Variants in ICOS observed in about 807,000 individuals in gnomAD.
ICOS encodes inducible T cell costimulator.
Under a neutral mutation model 24.6 loss-of-function variants are expected in ICOS, and 15 were observed. The observed-to-expected ratio is 0.61, with a 90% confidence interval of 0.41 to 0.94. The LOEUF (loss-of-function observed/expected upper bound fraction) is 0.94, where lower values mean the gene tolerates loss of function less well. Ranked by LOEUF, ICOS falls within the 40% of genes least tolerant of loss-of-function variation. ICOS has a pLI of 0.00. For missense variants in ICOS, 200 were observed against 233.0 expected (o/e 0.86, Z 0.92); for synonymous variants, 89 against 77.5 (o/e 1.15, Z -0.78).
chr2:203,942,479 CAT>C (rs774754813), intron 1 of ICOS, among the ~76,000 whole-genome samples: 4 of 152,196 alleles, frequency 2.6e-5, no homozygotes, highest in African/African-American at 4.8e-5. Flanking sequence ...CAGCTTAATA[CAT>C]GATGGCTGAT....
intron 1 of ICOS, among the ~76,000 whole-genome samples, chr2:203,953,020 A>G: frequency 6.6e-6 from 1 of 152,162 alleles, no homozygotes; most frequent in East Asian, 1.9e-4. Flanking sequence ...GAAGGGTAAT[A>G]ATAATGCAAA....
intron 1 of ICOS, among the ~76,000 whole-genome samples, chr2:203,954,810 TAC>T (rs942189732): frequency 3.7e-4 from 55 of 150,654 alleles, no homozygotes; most frequent in African/African-American, 1.3e-3. Flanking sequence ...TTTGTATATA[TAC>T]ACACACATAG....
At chr2:203,944,139 T>TC (rs1289601046) in intron 1 of ICOS, among the ~76,000 whole-genome samples, 1 of 152,144 alleles carries the variant, frequency 6.6e-6, no homozygotes, top group East Asian at 1.9e-4. Flanking sequence ...ATTCACGGCC[T>TC]CCCCCCAGTT....
intron 2 of ICOS, 78 bp from the exon 3 acceptor site, chr2:203,956,581 A>C (rs1335052037): frequency 1.0e-6 from 1 of 976,606 alleles, no homozygotes; most frequent in Non-Finnish European, 1.7e-6. Flanking sequence ...CATTTGATTA[A>C]ATAGCTCTTT....
At chr2:203,945,397 C>G (rs1689849865) in intron 1 of ICOS, among the ~76,000 whole-genome samples, 1 of 152,180 alleles carries the variant, frequency 6.6e-6, no homozygotes, top group Non-Finnish European at 1.5e-5. Flanking sequence ...TAGGGTCAGA[C>G]TAGTGACTCC....
At chr2:203,958,626 A>G (rs905248448) in intron 4 of ICOS, among the ~76,000 whole-genome samples, 4 of 152,152 alleles carry the variant, frequency 2.6e-5, no homozygotes, top group African/African-American at 9.7e-5. Flanking sequence ...GCTACAGATT[A>G]TCTAAAGGGG....
chr2:203,941,542 C>G (rs1176139194), intron 1 of ICOS, among the ~76,000 whole-genome samples: 1 of 152,160 alleles, frequency 6.6e-6, no homozygotes, highest in African/African-American at 2.4e-5. Context: ...TACTGCTTCC[C>G]TACTCTAAGA....
At chr2:203,947,626 G>A (rs1689897324) in intron 1 of ICOS, among the ~76,000 whole-genome samples, 1 of 152,134 alleles carries the variant, frequency 6.6e-6, no homozygotes, top group African/African-American at 2.4e-5. Context: ...ATTGTTAGCA[G>A]CAGTTAACAG....
chr2:203,938,173 A>G lies in ICOS; in HGVS notation c.58+1301A>G, dbSNP rs114364836. 3.2e-3 allele frequency among the ~76,000 whole-genome samples: 493 copies of G among 152,344 alleles called. 6 individuals carry two copies. Among genetic ancestry groups the G allele is most frequent in the African/African-American group, 0.011 (468 of 41,592 alleles). ...ATAATTACAGGCAAAACTCAATTAT[A>G]TGAGGGAATGTAACAAGGAGCTTGA... On this transcript the variant is annotated intron_variant, in intron 1 of 4. Coordinates refer to ENST00000316386, the MANE Select transcript of ICOS (RefSeq NM_012092.4).
chr2:203,959,478 G>A (rs1188944472), intron 4 of ICOS, 108 bp from the exon 5 acceptor site: 2 of 830,846 alleles, frequency 2.4e-6, no homozygotes, highest in Non-Finnish European at 4.2e-6. Flanking sequence ...GTGTGTGTGT[G>A]CACGTGTGTG....
At chr2:203,941,701 T>C (rs1689778270) in intron 1 of ICOS, among the ~76,000 whole-genome samples, 1 of 152,224 alleles carries the variant, frequency 6.6e-6, no homozygotes, top group South Asian at 2.1e-4. Context: ...TCTAATAAAC[T>C]AGGTCTGTCA....
chr2:203,944,990 G>A (rs1689843128), intron 1 of ICOS, among the ~76,000 whole-genome samples: 1 of 152,174 alleles, frequency 6.6e-6, no homozygotes, highest in Non-Finnish European at 1.5e-5. Flanking sequence ...AAGTGTGAAA[G>A]AAATGGCCAA....
At chr2:203,940,346 A>G (rs1689742588) in intron 1 of ICOS, among the ~76,000 whole-genome samples, 1 of 152,206 alleles carries the variant, frequency 6.6e-6, no homozygotes, top group East Asian at 1.9e-4. Context: ...CTGTTTCAAG[A>G]ATCCTTTCTT....
intron 1 of ICOS, among the ~76,000 whole-genome samples, chr2:203,953,840 G>A (rs1472830317): frequency 2.0e-5 from 3 of 152,070 alleles, no homozygotes; most frequent in Non-Finnish European, 2.9e-5. Context: ...TAATTATGAT[G>A]ACTAAAAATG....
chr2:203,941,123 T>A lies in ICOS; in HGVS notation c.58+4251T>A, dbSNP rs566174599. Among the ~76,000 whole-genome samples, 179 of 152,194 alleles carry A rather than the reference T, an allele frequency of 1.2e-3. 1 individual carries two copies. The highest frequency in any genetic ancestry group is 2.3e-3 in the Admixed American group (35 of 15,276). ...TCTATTAATTTATTATTATTTTTTT[T>A]AAGACTGGGTGAAAGTTTTCAATCT... On this transcript the variant is annotated intron_variant, in intron 1 of 4. Coordinates refer to ENST00000316386, the MANE Select transcript of ICOS (RefSeq NM_012092.4).
At chr2:203,956,866 C>T in intron 3 of ICOS, 101 bp downstream of exon 3, 1 of 799,046 alleles carries the variant, frequency 1.3e-6, no homozygotes, top group Non-Finnish European at 2.2e-6. Context: ...GTAATTTGAC[C>T]AACAGGGAGA....
intron 2 of ICOS, among the ~76,000 whole-genome samples, 160 bp from the exon 3 acceptor site, chr2:203,956,499 T>C (rs906789339): frequency 7.2e-5 from 11 of 152,188 alleles, no homozygotes; most frequent in African/African-American, 2.4e-4. Flanking sequence ...ATCCTTGCCA[T>C]AATACTGAGA....
At chr2:203,958,435 G>A (rs188963869) in intron 4 of ICOS, among the ~76,000 whole-genome samples, 2 of 152,298 alleles carry the variant, frequency 1.3e-5, no homozygotes, top group Non-Finnish European at 2.9e-5. Flanking sequence ...AGAAGTCTCA[G>A]TAACATGGAA....
intron 1 of ICOS, among the ~76,000 whole-genome samples, chr2:203,948,301 G>T (rs1344813489): frequency 6.6e-6 from 1 of 152,050 alleles, no homozygotes; most frequent in Admixed American, 6.5e-5. Flanking sequence ...TCATGCCCCA[G>T]CTATGAGCTA....
Sources: allele counts gnomAD v4.1 joint callset (sites outside exome capture counted in the v4.1 genomes callset), GRCh38; gene constraint gnomAD v4.1.1; transcripts MANE v1.5; gene names NCBI Gene and HGNC (gene_info 2026-07-23, HGNC 2026-07-21).